Variants in TOX observed in about 807,000 individuals in gnomAD.
TOX encodes the protein thymocyte selection-associated high mobility group box protein TOX.
In TOX, 11 loss-of-function variants were observed where a neutral mutation model predicts 53.7. The observed-to-expected ratio is 0.20, with a 90% confidence interval of 0.13 to 0.34. The LOEUF (loss-of-function observed/expected upper bound fraction) is 0.34. TOX is among the 10% of genes least tolerant of loss of function. The pLI, the probability that TOX is intolerant of heterozygous loss-of-function variation, is 1.00. For missense variants in TOX, 570 were observed against 664.6 expected (o/e 0.86, Z 1.56); for synonymous variants, 225 against 245.3 (o/e 0.92, Z 0.77).
chr8:59,079,044 T>G (rs1804348616), intron 1 of TOX, among the ~76,000 whole-genome samples: 1 of 152,198 alleles, frequency 6.6e-6, no homozygotes, highest in South Asian at 2.1e-4. Flanking sequence ...GGGTATCTGG[T>G]GGAAGAAATT....
chr8:58,986,711 G>A (rs1813335362), intron 1 of TOX, among the ~76,000 whole-genome samples: 1 of 152,204 alleles, frequency 6.6e-6, no homozygotes, highest in Non-Finnish European at 1.5e-5. Context: ...CAGAGTTCAA[G>A]TCTGGGCTCA....
chr8:58,951,467 C>T (rs1812619567), intron 2 of TOX, among the ~76,000 whole-genome samples: 1 of 151,974 alleles, frequency 6.6e-6, no homozygotes, highest in Admixed American at 6.6e-5. Context: ...TCATTGAGGT[C>T]AGAGCACAAG....
intron 5 of TOX, among the ~76,000 whole-genome samples, chr8:58,829,505 C>T (rs1810418252): frequency 6.6e-6 from 1 of 152,110 alleles, no homozygotes; most frequent in Non-Finnish European, 1.5e-5. Context: ...TGAATAGCTG[C>T]AGATGTTCAG....
intron 3 of TOX, among the ~76,000 whole-genome samples, chr8:58,863,791 C>T (rs1249042179): frequency 1.3e-5 from 2 of 152,098 alleles, no homozygotes; most frequent in East Asian, 1.9e-4. Context: ...CTAGGGGAAA[C>T]AAAGACAGAT....
chr8:59,053,301 T>C lies in TOX; in HGVS notation c.102+65585A>G, dbSNP rs1485023192. ...TATGTTACAATGAGAAAATATTATC[T>C]CCCATAAAACAACAAAGTCCTGCTA... On this transcript the variant is annotated intron_variant, in intron 1 of 8. Transcript: ENST00000361421. Among the ~76,000 whole-genome samples the C allele has an allele frequency of 2.0e-5, 3 of 152,064 alleles. No individual in the cohort carries two copies. In the East Asian group the frequency reaches 5.8e-4, roughly 29 times the overall value.
chr8:59,063,231 A>C (rs1383091132), intron 1 of TOX, among the ~76,000 whole-genome samples: 1 of 152,190 alleles, frequency 6.6e-6, no homozygotes, highest in Non-Finnish European at 1.5e-5. Context: ...CATATGGGCT[A>C]ATTCAAAGGA....
At chr8:58,827,740 G>A (rs1290856138) in intron 5 of TOX, among the ~76,000 whole-genome samples, 3 of 152,104 alleles carry the variant, frequency 2.0e-5, no homozygotes, top group Non-Finnish European at 4.4e-5. Flanking sequence ...TATGCTAAAG[G>A]TCACATTGCT....
At chr8:58,874,376 CAGT>C (rs1811251116) in intron 3 of TOX, among the ~76,000 whole-genome samples, 1 of 151,914 alleles carries the variant, frequency 6.6e-6, no homozygotes, top group Non-Finnish European at 1.5e-5. Context: ...TGTGGGTAGA[CAGT>C]GGTAAGAATA....
chr8:58,957,981 T>C (rs748590925), intron 2 of TOX, among the ~76,000 whole-genome samples: 2 of 152,220 alleles, frequency 1.3e-5, no homozygotes, highest in Non-Finnish European at 2.9e-5. Flanking sequence ...TCAACTTATG[T>C]AATTTGTGAA....
chr8:59,017,103 C>T (rs1814026701), intron 1 of TOX, among the ~76,000 whole-genome samples: 1 of 152,194 alleles, frequency 6.6e-6, no homozygotes, highest in Non-Finnish European at 1.5e-5. Context: ...AGGCATGCTG[C>T]CTCCACCAGG....
At chr8:58,886,758 G>A (rs1043704662) in intron 3 of TOX, among the ~76,000 whole-genome samples, 15 of 151,934 alleles carry the variant, frequency 9.9e-5, no homozygotes, top group African/African-American at 3.6e-4. Context: ...TCATCTGTAA[G>A]TAAGGACAGC....
At chr8:59,041,735 T>G (rs1457252145) in intron 1 of TOX, among the ~76,000 whole-genome samples, 1 of 152,186 alleles carries the variant, frequency 6.6e-6, no homozygotes, top group Non-Finnish European at 1.5e-5. Context: ...AAGTTAAAGG[T>G]CTTGAATTCT....
chr8:58,897,878 T>A (rs1305107596), intron 3 of TOX, among the ~76,000 whole-genome samples: 2 of 152,176 alleles, frequency 1.3e-5, no homozygotes. Context: ...TAGTTCTTGA[T>A]TGTGTCTATG....
chr8:59,114,889 G>A (rs1805076422), intron 1 of TOX, among the ~76,000 whole-genome samples: 1 of 152,164 alleles, frequency 6.6e-6, no homozygotes, highest in Non-Finnish European at 1.5e-5. Flanking sequence ...TGCAGAGACT[G>A]TAATGAATCT....
At chr8:59,064,549 C>A (rs1804052453) in intron 1 of TOX, among the ~76,000 whole-genome samples, 1 of 152,088 alleles carries the variant, frequency 6.6e-6, no homozygotes, top group South Asian at 2.1e-4. Context: ...TTCTAGAAAT[C>A]TATTAATGTA....
chr8:59,068,237 T>C (rs917426572), intron 1 of TOX, among the ~76,000 whole-genome samples: 1 of 151,864 alleles, frequency 6.6e-6, no homozygotes, highest in Admixed American at 6.5e-5. Flanking sequence ...AATAATTGTT[T>C]AAAAGCAGAA....
chr8:58,998,531 A>AAATT (rs1563413495), intron 1 of TOX, among the ~76,000 whole-genome samples: 2,442 of 21,508 alleles, frequency 0.11, 33 homozygotes, highest in Non-Finnish European at 0.15. Context: ...ATATATATAT[A>AAATT]TATATATAAA....
At chr8:58,860,140 C>T (rs1253614499) in intron 3 of TOX, among the ~76,000 whole-genome samples, 3 of 152,094 alleles carry the variant, frequency 2.0e-5, no homozygotes, top group Non-Finnish European at 4.4e-5. Context: ...GAGAGGGGGG[C>T]CGTGTGCTAT....
rs113728780 is a variant in TOX at position 59,079,884 on chromosome 8, T to G, written c.102+39002A>C. Among the ~76,000 whole-genome samples the G allele has an allele frequency of 9.0e-4, 137 of 152,216 alleles. 2 individuals carry two copies. The highest frequency in any genetic ancestry group is 3.2e-3 in the African/African-American group (132 of 41,520). On this transcript the variant is annotated intron_variant, in intron 1 of 8. Coordinates refer to ENST00000361421, the MANE Select transcript of TOX (RefSeq NM_014729.3). ...GAGAGCAGCCTCAGGGGCTTAGCCC[T>G]GCAAAGCCACAGGAGTGGAGCTGCC... is the stretch of plus-strand genomic sequence containing the variant.
Sources: allele counts gnomAD v4.1 joint callset (sites outside exome capture counted in the v4.1 genomes callset), GRCh38; gene constraint gnomAD v4.1.1; transcripts MANE v1.5; gene names NCBI Gene and HGNC (gene_info 2026-07-23, HGNC 2026-07-21).